PDE10A: variants seen among roughly 807,000 people sequenced by gnomAD.
PDE10A encodes the protein phosphodiesterase 10A.
A neutral mutation model predicts 97.7 loss-of-function variants in PDE10A; 39 were observed. That is an observed-to-expected ratio of 0.40 (90% CI 0.31 to 0.52). The LOEUF (loss-of-function observed/expected upper bound fraction) is 0.52, where lower values mean the gene tolerates loss of function less well. Among genes scored for constraint, PDE10A ranks in the 20% least tolerant of loss-of-function variants. The probability of loss-of-function intolerance (pLI) is 0.56; values close to 1 mark genes in which losing one functional copy is unlikely to be tolerated. For synonymous variants in PDE10A, 371 were observed against 376.8 expected (o/e 0.98, Z 0.18); for missense variants, 731 against 1,047.8 (o/e 0.70, Z 4.17).
chr6:165,736,187 A>G (rs1471676790), intron 1 of PDE10A, among the ~76,000 whole-genome samples: 4 of 152,236 alleles, frequency 2.6e-5, no homozygotes, highest in Non-Finnish European at 5.9e-5. Flanking sequence ...CTGCAAACAT[A>G]TGAGTAAATC....
intron 18 of PDE10A, among the ~76,000 whole-genome samples, chr6:165,348,784 C>T (rs1782489963): frequency 6.6e-6 from 1 of 152,114 alleles, no homozygotes; most frequent in Non-Finnish European, 1.5e-5. Flanking sequence ...GGCAGTTTCC[C>T]CCTTCCTGTT....
chr6:165,442,905 T>A (rs573054206), intron 5 of PDE10A, among the ~76,000 whole-genome samples: 3 of 152,154 alleles, frequency 2.0e-5, no homozygotes, highest in East Asian at 1.9e-4. Context: ...GGTCAGGGGT[T>A]TGAGACCAGC....
At chr6:165,896,141 C>T (rs765429743) in intron 1 of PDE10A, among the ~76,000 whole-genome samples, 7 of 152,108 alleles carry the variant, frequency 4.6e-5, no homozygotes, top group African/African-American at 1.4e-4. Flanking sequence ...CACAGCCCAG[C>T]GCCCACCCAA....
chr6:165,341,824 G>A (rs550684420), intron 19 of PDE10A, among the ~76,000 whole-genome samples: 9 of 152,288 alleles, frequency 5.9e-5, no homozygotes, highest in Non-Finnish European at 1.3e-4. Context: ...AACCACGAGA[G>A]ATCACTTTTT....
At chr6:165,462,583 CT>C (rs1389848727) in intron 3 of PDE10A, among the ~76,000 whole-genome samples, 1 of 152,168 alleles carries the variant, frequency 6.6e-6, no homozygotes, top group African/African-American at 2.4e-5. Flanking sequence ...CGAGGACCCC[CT>C]AGTTGCAGCC....
intron 1 of PDE10A, among the ~76,000 whole-genome samples, chr6:165,951,213 T>C (rs1286316351): frequency 2.0e-5 from 3 of 152,212 alleles, no homozygotes; most frequent in African/African-American, 7.2e-5. Flanking sequence ...AAGTAACACA[T>C]TAGATCACAG....
At chr6:165,709,357 A>G (rs1269597879) in intron 1 of PDE10A, among the ~76,000 whole-genome samples, 2 of 107,062 alleles carry the variant, frequency 1.9e-5, no homozygotes, top group Non-Finnish European at 3.8e-5. Flanking sequence ...CCCAACCCCA[A>G]TGCTGCCGCG....
At chr6:165,576,447 A>G in intron 1 of PDE10A, 1 of 780,546 alleles carries the variant, frequency 1.3e-6, no homozygotes, top group Non-Finnish European at 2.4e-6. Context: ...TTCTATCCTC[A>G]TTCTACATTC....
At position 165,721,674 on chromosome 6, in the gene PDE10A, C is replaced by T. The variant is rs567459830; in HGVS notation, c.-614-178106G>A. On this transcript the variant is annotated intron_variant, in intron 1 of 19. Transcript: ENST00000366882. ...TTCGATTTCCCCTTAGACACTCATT[C>T]CCATTCGAGAGAGATCTTTATGCCT... 1.1e-4 allele frequency among the ~76,000 whole-genome samples: 17 copies of T among 152,316 alleles called. No individual in the cohort carries two copies. The South Asian group carries it at 3.5e-3, about 32-fold the overall frequency.
chr6:165,597,676 T>G (rs1225067482), intron 1 of PDE10A, among the ~76,000 whole-genome samples: 1 of 152,214 alleles, frequency 6.6e-6, no homozygotes, highest in Admixed American at 6.5e-5. Flanking sequence ...ACGGAATGAC[T>G]ACTTTACATG....
intron 1 of PDE10A, among the ~76,000 whole-genome samples, chr6:165,573,789 T>C (rs1046152691): frequency 2.0e-4 from 30 of 152,230 alleles, no homozygotes; most frequent in Middle Eastern, 6.8e-3. Flanking sequence ...CCTCAATAGC[T>C]GCTTTTTCAA....
At chr6:165,823,483 T>TAC (rs1491413373) in intron 1 of PDE10A, among the ~76,000 whole-genome samples, 50 of 14,866 alleles carry the variant, frequency 3.4e-3, no homozygotes, top group African/African-American at 0.017. Context: ...TAGTTAACTT[T>TAC]ATATATATAT....
At chr6:165,809,460 C>A (rs1202212529) in intron 1 of PDE10A, among the ~76,000 whole-genome samples, 2 of 152,176 alleles carry the variant, frequency 1.3e-5, no homozygotes, top group African/African-American at 4.8e-5. Context: ...TGCTTTGGAG[C>A]CCTGTGCTGT....
chr6:165,811,021 C>T (rs548047408), intron 1 of PDE10A, among the ~76,000 whole-genome samples: 2 of 152,248 alleles, frequency 1.3e-5, no homozygotes, highest in African/African-American at 2.4e-5. Flanking sequence ...GTTAGGAGTT[C>T]GAGACCAGCC....
chr6:165,380,127 T>G (rs1181408055), intron 17 of PDE10A, among the ~76,000 whole-genome samples: 2 of 152,218 alleles, frequency 1.3e-5, no homozygotes, highest in Admixed American at 6.5e-5. Context: ...CTGTGGAAAT[T>G]TTAAGGTTTT....
chr6:165,650,407 TA>T (rs1452212549), intron 1 of PDE10A, among the ~76,000 whole-genome samples: 1 of 152,158 alleles, frequency 6.6e-6, no homozygotes, highest in Non-Finnish European at 1.5e-5. Context: ...AAGTGTTACA[TA>T]AACAGTTTCT....
chr6:165,333,228 C>T (rs758978972), intron 21 of PDE10A, 101 bp from the exon 22 acceptor site: 121 of 755,908 alleles, frequency 1.6e-4, no homozygotes, highest in Non-Finnish European at 2.3e-4. Flanking sequence ...CTCTGCACAA[C>T]GGCATTGTGT....
At chr6:165,755,281 T>C (rs1439339412) in intron 1 of PDE10A, among the ~76,000 whole-genome samples, 1 of 152,228 alleles carries the variant, frequency 6.6e-6, no homozygotes, top group African/African-American at 2.4e-5. Flanking sequence ...GCAATTATTA[T>C]TTCATGCTAA....
intron 1 of PDE10A, among the ~76,000 whole-genome samples, chr6:165,645,233 G>A (rs909607774): frequency 3.3e-5 from 5 of 152,192 alleles, no homozygotes; most frequent in Admixed American, 2.0e-4. Context: ...GGGTGCGGCT[G>A]CCTTCTGTCC....
Sources: gnomAD v4.1 joint callset for allele counts (sites outside exome capture counted in the v4.1 genomes callset) on GRCh38, gnomAD v4.1.1 for gene constraint, MANE v1.5 for transcripts, NCBI Gene and HGNC (gene_info 2026-07-23, HGNC 2026-07-21) for gene names.